The following EML6 variants were observed in gnomAD, a reference collection of about 807,000 sequenced individuals.
EML6 encodes the protein echinoderm microtubule-associated protein-like 6.
In EML6, 154 loss-of-function variants were observed where a neutral mutation model predicts 240.1. The observed-to-expected ratio is 0.64, with a 90% CI of 0.56 to 0.73. The LOEUF (loss-of-function observed/expected upper bound fraction) is 0.73. Ranked by LOEUF, EML6 falls within the 30% of genes least tolerant of loss-of-function variation. EML6 has a pLI of 0.00. For synonymous variants in EML6, 1,148 were observed against 899.0 expected (o/e 1.28, Z -4.95); for missense variants, 2,964 against 2,474.6 (o/e 1.20, Z -4.20).
At chr2:54,903,696 C>T (rs966266314) in intron 24 of EML6, among the ~76,000 whole-genome samples, 194 bp downstream of exon 24, 8 of 152,172 alleles carry the variant, frequency 5.3e-5, no homozygotes, top group Admixed American at 3.3e-4. Flanking sequence ...CATCTTTTTA[C>T]GCTTAGGATG....
rs142644237 is a variant in EML6, at chr2:54,940,048, A to T, written c.4005-8834A>T. ...TGTCAATCTATGGCATATGTTCCTT[A>T]GGAAACCAAGGAACTTTTACCAAAC... On this transcript the variant is annotated intron_variant, in intron 28 of 41. Transcript: ENST00000356458. Among the ~76,000 whole-genome samples the T allele has an allele frequency of 3.6e-3, 554 of 152,352 alleles. 1 individual carries two copies. Among genetic ancestry groups the T allele is most frequent in the Non-Finnish European group, 6.5e-3 (440 of 68,038 alleles).
intron 7 of EML6, among the ~76,000 whole-genome samples, chr2:54,842,809 A>G (rs1457218110): frequency 2.0e-5 from 3 of 152,214 alleles, no homozygotes; most frequent in African/African-American, 7.2e-5. Flanking sequence ...TACTACTGAG[A>G]GGGACGTGTG....
intron 7 of EML6, among the ~76,000 whole-genome samples, chr2:54,830,781 A>G (rs1668830115): frequency 6.6e-6 from 1 of 152,226 alleles, no homozygotes; most frequent in Non-Finnish European, 1.5e-5. Flanking sequence ...TTATACCTGG[A>G]TGCCAGCTGC....
At chr2:54,936,539 A>G (rs958530390) in intron 28 of EML6, among the ~76,000 whole-genome samples, 2 of 152,204 alleles carry the variant, frequency 1.3e-5, no homozygotes, top group Non-Finnish European at 2.9e-5. Context: ...GAATTAAACT[A>G]TTACAGAAAT....
Position 54,847,736 on chromosome 2 carries a change from A to G in EML6, c.1187+113A>G, listed in dbSNP as rs1334993837. On this transcript the variant is annotated intron_variant, in intron 9 of 41. Transcript: ENST00000356458. The stretch of plus-strand genomic sequence containing the variant: ...AGGAAAAATCCATTTAGCCATTCAA[A>G]TAGGAATACTATAGATCTACGATCC... 5.2e-6 allele frequency: 6 copies of G among 1,145,204 alleles called. No homozygotes were observed. In the East Asian group the frequency reaches 1.0e-4, roughly 20 times the overall value. 70.9% of individuals were successfully genotyped at this position (1,145,204 alleles called of 1,614,324 possible). A position where few individuals can be genotyped will look rare whatever the true frequency, so the allele number is the denominator to read the frequency against.
intron 28 of EML6, among the ~76,000 whole-genome samples, chr2:54,937,350 C>T (rs1296463856): frequency 2.0e-5 from 3 of 151,066 alleles, no homozygotes; most frequent in Non-Finnish European, 2.9e-5. Flanking sequence ...TTTGGGAAGC[C>T]GAGGCAGGAG....
At chr2:54,942,123 C>G (rs1441288868) in intron 28 of EML6, among the ~76,000 whole-genome samples, 1 of 152,164 alleles carries the variant, frequency 6.6e-6, no homozygotes, top group Non-Finnish European at 1.5e-5. Context: ...GCAATGACTT[C>G]TGTCTGATAA....
chr2:54,733,613 C>A (rs1683262706), intron 2 of EML6, among the ~76,000 whole-genome samples: 1 of 152,196 alleles, frequency 6.6e-6, no homozygotes, highest in Non-Finnish European at 1.5e-5. Context: ...TTTATTTTCT[C>A]TGGCTGCTTA....
At chr2:54,820,062 C>T (rs1668260236) in intron 4 of EML6, among the ~76,000 whole-genome samples, 1 of 152,082 alleles carries the variant, frequency 6.6e-6, no homozygotes, top group Admixed American at 6.6e-5. Context: ...AGTGTTAGCA[C>T]TGTGGAGTGC....
intron 17 of EML6, 55 bp downstream of exon 17, chr2:54,879,695 G>C: frequency 9.7e-7 from 1 of 1,034,750 alleles, no homozygotes; most frequent in Non-Finnish European, 1.4e-6. Context: ...TTCAGTAAAG[G>C]TCAATAGTTT....
chr2:54,805,272 G>A (rs1196449529), intron 2 of EML6, among the ~76,000 whole-genome samples: 3 of 152,128 alleles, frequency 2.0e-5, no homozygotes, highest in Admixed American at 1.3e-4. Context: ...AGACTTGTAT[G>A]CAAGTCTTTG....
At chr2:54,963,878 G>A (rs1676633956) in intron 36 of EML6, 108 bp from the exon 37 acceptor site, 1 of 939,542 alleles carries the variant, frequency 1.1e-6, no homozygotes, top group East Asian at 2.7e-5. Flanking sequence ...TTGGTGGCCT[G>A]CAGTGGCTGC....
At chr2:54,738,351 C>T (rs1459684192) in intron 2 of EML6, among the ~76,000 whole-genome samples, 1 of 152,038 alleles carries the variant, frequency 6.6e-6, no homozygotes, top group Non-Finnish European at 1.5e-5. Flanking sequence ...TTTTGTACCC[C>T]CTTTGACAGG....
At chr2:54,879,365 A>G (rs1300500443) in intron 16 of EML6, among the ~76,000 whole-genome samples, 182 bp from the exon 17 acceptor site, 1 of 152,240 alleles carries the variant, frequency 6.6e-6, no homozygotes, top group Admixed American at 6.5e-5. Flanking sequence ...ACATGTTTAT[A>G]GAGTATAGTG....
intron 2 of EML6, among the ~76,000 whole-genome samples, chr2:54,808,772 A>T (rs1558567424): frequency 6.6e-6 from 1 of 152,082 alleles, no homozygotes; most frequent in Non-Finnish European, 1.5e-5. Context: ...TTTGATTCTC[A>T]TCTTTTCTTT....
chr2:54,877,924 A>T (rs1385656524), intron 16 of EML6, among the ~76,000 whole-genome samples: 2 of 152,178 alleles, frequency 1.3e-5, no homozygotes, highest in African/African-American at 4.8e-5. Context: ...TACCATTTCC[A>T]GTTGGTTGGA....
intron 28 of EML6, among the ~76,000 whole-genome samples, chr2:54,938,239 G>A (rs777909602): frequency 6.6e-5 from 10 of 152,092 alleles, no homozygotes; most frequent in East Asian, 3.9e-4. Context: ...ACAGCTACTC[G>A]GGAGGCTGAG....
chr2:54,883,717 C>G (rs1008208182), intron 17 of EML6, among the ~76,000 whole-genome samples: 14 of 152,266 alleles, frequency 9.2e-5, no homozygotes, highest in Middle Eastern at 3.4e-3. Context: ...CTTACACATA[C>G]ACACATGCAC....
At chr2:54,777,862 C>G (rs1175010705) in intron 2 of EML6, among the ~76,000 whole-genome samples, 1 of 152,052 alleles carries the variant, frequency 6.6e-6, no homozygotes, top group Admixed American at 6.5e-5. Context: ...TTATTTATAG[C>G]AAATTTCTTC....
Sources: gnomAD v4.1 joint callset for allele counts (sites outside exome capture counted in the v4.1 genomes callset) on GRCh38, gnomAD v4.1.1 for gene constraint, MANE v1.5 for transcripts, NCBI Gene and HGNC (gene_info 2026-07-23, HGNC 2026-07-21) for gene names.